The following SND1 variants were observed in gnomAD, a reference collection of about 807,000 sequenced individuals.
SND1 encodes the protein staphylococcal nuclease domain-containing protein 1.
In SND1, 38 loss-of-function variants were observed where a neutral mutation model predicts 121.7. The ratio of observed to expected loss-of-function variants is 0.31; its 90% CI spans 0.24 to 0.41. The LOEUF is 0.41. Ranked by LOEUF, SND1 falls within the 10% of genes least tolerant of loss-of-function variation. The pLI is 1.00. For synonymous variants in SND1, 401 were observed against 447.4 expected, an observed-to-expected ratio of 0.90 and a Z score of 1.31; for missense variants, 868 against 1,184.6, an observed-to-expected ratio of 0.73 and a Z score of 3.92.
At chr7:127,748,124 T>G (rs562329053) in intron 10 of SND1, among the ~76,000 whole-genome samples, 4 of 152,304 alleles carry the variant, frequency 2.6e-5, no homozygotes, top group Admixed American at 1.3e-4. Context: ...AATAGGATAT[T>G]GAAGTGAGAA....
intron 16 of SND1, among the ~76,000 whole-genome samples, chr7:128,055,810 T>C (rs1472243261): frequency 6.6e-6 from 1 of 152,174 alleles, no homozygotes; most frequent in Non-Finnish European, 1.5e-5. Context: ...TTCCTGGCCT[T>C]TCTCAGCATG....
intron 10 of SND1, among the ~76,000 whole-genome samples, chr7:127,802,995 T>G (rs1218536003): frequency 1.3e-5 from 2 of 152,214 alleles, no homozygotes; most frequent in South Asian, 4.1e-4. Context: ...CTGCCCAGAT[T>G]ACTATCATAA....
At chr7:127,788,768 T>C (rs1047001395) in intron 10 of SND1, among the ~76,000 whole-genome samples, 58 of 152,212 alleles carry the variant, frequency 3.8e-4, no homozygotes, top group Non-Finnish European at 5.4e-4. Flanking sequence ...CTTTTCCTTT[T>C]TTGTTTTCAT....
chr7:127,894,614 TACCA>T (rs1800081302), intron 13 of SND1, among the ~76,000 whole-genome samples: 3 of 152,176 alleles, frequency 2.0e-5, no homozygotes, highest in African/African-American at 7.2e-5. Flanking sequence ...TTCATTTCTA[TACCA>T]GTCTGTTTAG....
chr7:127,800,100 G>A (rs1039066455), intron 10 of SND1, among the ~76,000 whole-genome samples: 1 of 152,160 alleles, frequency 6.6e-6, no homozygotes, highest in Non-Finnish European at 1.5e-5. Context: ...GTCCTTAATT[G>A]TAAATATGCC....
chr7:127,991,800 A>G (rs115957561), intron 16 of SND1, among the ~76,000 whole-genome samples: 1,895 of 152,242 alleles, frequency 0.012, 50 homozygotes, highest in African/African-American at 0.043. Flanking sequence ...TGTCTCTCTA[A>G]TGAGTCTTCG....
chr7:127,911,272 T>C (rs1437429720), intron 14 of SND1, among the ~76,000 whole-genome samples: 1 of 152,262 alleles, frequency 6.6e-6, no homozygotes, highest in Non-Finnish European at 1.5e-5. Context: ...ACACAACCTC[T>C]GATGCCAAAG....
At chr7:127,858,075 G>C in intron 12 of SND1, 1 of 1,067,624 alleles carries the variant, frequency 9.4e-7, no homozygotes, top group Non-Finnish European at 1.5e-6. Flanking sequence ...CTCCTCTCTG[G>C]GTAGGGGTTG....
chr7:127,929,259 C>T lies in SND1; in HGVS notation c.1599C>T (p.Tyr533=), dbSNP rs138583964. Residue 533 remains tyrosine (Y), a synonymous_variant, in exon 15 of 24, where the codon TAC becomes TAT. Coordinates refer to ENST00000354725, the MANE Select transcript of SND1 (RefSeq NM_014390.4). ...RAGRSEAVVE[Y]VFSGSRLKLY... is the part of the protein sequence containing the mutation. ...GTCGTTCTGAAGCTGTGGTGGAATA[C>T]GTCTTCAGTGGTTCTCGTCTCAAAC... The T allele has an allele frequency of 2.2e-4, 354 of 1,613,958 alleles. No homozygotes were observed. Among genetic ancestry groups the T allele is most frequent in the Non-Finnish European group, 1.5e-4 (172 of 1,179,828 alleles).
At chr7:128,088,423 CA>C (rs1241497906) in intron 21 of SND1, among the ~76,000 whole-genome samples, 1 of 150,074 alleles carries the variant, frequency 6.7e-6, no homozygotes, top group Non-Finnish European at 1.5e-5. Flanking sequence ...GACACCACTG[CA>C]CTCTGGCCAG....
At chr7:128,076,526 A>G (rs1793509207) in intron 17 of SND1, among the ~76,000 whole-genome samples, 1 of 152,192 alleles carries the variant, frequency 6.6e-6, no homozygotes, top group African/African-American at 2.4e-5. Context: ...GAGCAGCACT[A>G]GCAGAGCTTT....
intron 8 of SND1, 62 bp downstream of exon 8, chr7:127,705,007 A>G: frequency 2.9e-6 from 4 of 1,390,834 alleles, no homozygotes; most frequent in Non-Finnish European, 4.1e-6. Flanking sequence ...AGGGAAAGAA[A>G]TCTGGTGATT....
intron 6 of SND1, 44 bp from the exon 7 acceptor site, chr7:127,703,121 T>C: frequency 1.9e-6 from 3 of 1,611,824 alleles, no homozygotes; most frequent in Non-Finnish European, 2.5e-6. Flanking sequence ...TGCCTAGCAC[T>C]CACATTTAGG....
chr7:127,819,651 A>G (rs1177282180), intron 11 of SND1, among the ~76,000 whole-genome samples: 2 of 152,048 alleles, frequency 1.3e-5, no homozygotes, highest in African/African-American at 4.8e-5. Flanking sequence ...CCCGCTTTCT[A>G]TTTTGGCCCT....
At chr7:128,002,264 G>T (rs1313626584) in intron 16 of SND1, among the ~76,000 whole-genome samples, 1 of 152,210 alleles carries the variant, frequency 6.6e-6, no homozygotes, top group Non-Finnish European at 1.5e-5. Flanking sequence ...CAGTTGAGAG[G>T]ATTTGGCACT....
chr7:127,814,964 T>C (rs557911275), intron 11 of SND1, among the ~76,000 whole-genome samples: 2 of 152,306 alleles, frequency 1.3e-5, no homozygotes, highest in South Asian at 4.1e-4. Flanking sequence ...CTTGTTTTAA[T>C]GTATTTAAAA....
At chr7:128,023,821 T>C (rs1803413421) in intron 16 of SND1, among the ~76,000 whole-genome samples, 1 of 152,238 alleles carries the variant, frequency 6.6e-6, no homozygotes. Context: ...TAGCATTTGC[T>C]ATATGGTGTG....
intron 12 of SND1, among the ~76,000 whole-genome samples, chr7:127,846,185 G>A (rs1799058509): frequency 6.6e-6 from 1 of 152,178 alleles, no homozygotes; most frequent in African/African-American, 2.4e-5. Flanking sequence ...CCAGGTTTGT[G>A]CCAGAGATAA....
intron 16 of SND1, among the ~76,000 whole-genome samples, chr7:128,012,535 C>G (rs1023361413): frequency 6.6e-6 from 1 of 152,168 alleles, no homozygotes; most frequent in African/African-American, 2.4e-5. Context: ...GAAACTTGTA[C>G]CTCCCCCCAT....
Sources: allele counts gnomAD v4.1 joint callset (sites outside exome capture counted in the v4.1 genomes callset), GRCh38; gene constraint gnomAD v4.1.1; transcripts MANE v1.5; gene names NCBI Gene and HGNC (gene_info 2026-07-23, HGNC 2026-07-21).